Variants in DDX10 observed in about 807,000 individuals in gnomAD.
DDX10 encodes probable ATP-dependent RNA helicase DDX10.
A neutral mutation model predicts 104.3 loss-of-function variants in DDX10; 74 were observed. That is an observed-to-expected ratio of 0.71 (90% CI 0.59 to 0.86). DDX10 has a LOEUF of 0.86. Ranked by LOEUF, DDX10 falls within the 40% of genes least tolerant of loss-of-function variation. DDX10 has a pLI of 0.00. For missense variants in DDX10, 952 were observed against 1,040.0 expected (o/e 0.92, Z 1.16); for synonymous variants, 351 against 353.4 (o/e 0.99, Z 0.08).
chr11:108,892,385 C>T (rs79225618), intron 16 of DDX10, among the ~76,000 whole-genome samples: 2,536 of 152,226 alleles, frequency 0.017, 63 homozygotes, highest in African/African-American at 0.055. Context: ...GTCTTCCAGC[C>T]AACAGAATTG....
chr11:108,780,739 T>A (rs1361979175), intron 13 of DDX10, among the ~76,000 whole-genome samples: 1 of 152,206 alleles, frequency 6.6e-6, no homozygotes. Flanking sequence ...AATGTTTCTG[T>A]TATTGACAAC....
intron 13 of DDX10, among the ~76,000 whole-genome samples, chr11:108,803,052 C>T (rs745929786): frequency 7.2e-5 from 11 of 152,212 alleles, no homozygotes; most frequent in Non-Finnish European, 1.5e-4. Context: ...TTATACTCTA[C>T]GATTACACAT....
chr11:108,713,512 T>C (rs2094287273), intron 10 of DDX10, among the ~76,000 whole-genome samples: 1 of 152,170 alleles, frequency 6.6e-6, no homozygotes, highest in African/African-American at 2.4e-5. Context: ...TTTTCGGTTC[T>C]TTCTTAGGAT....
intron 13 of DDX10, among the ~76,000 whole-genome samples, chr11:108,831,545 A>G (rs2134587069): frequency 6.6e-6 from 1 of 151,346 alleles, no homozygotes; most frequent in East Asian, 1.9e-4. Flanking sequence ...GGTTTACTTC[A>G]CTTTTAGATA....
intron 16 of DDX10, among the ~76,000 whole-genome samples, chr11:108,889,223 GCTT>G (rs1313227217): frequency 6.6e-6 from 1 of 152,002 alleles, no homozygotes; most frequent in African/African-American, 2.4e-5. Context: ...AACACATATT[GCTT>G]CTTTCATCTA....
At chr11:108,800,350 C>T (rs904096851) in intron 13 of DDX10, among the ~76,000 whole-genome samples, 5 of 139,400 alleles carry the variant, frequency 3.6e-5, no homozygotes, top group Non-Finnish European at 6.0e-5. Context: ...GAGGCTGAGT[C>T]AGGAGAATGG....
At chr11:108,855,647 G>T (rs111645481) in intron 16 of DDX10, among the ~76,000 whole-genome samples, 2,781 of 152,186 alleles carry the variant, frequency 0.018, 43 homozygotes, top group Non-Finnish European at 0.027. Context: ...TTTTAGTAGA[G>T]ACAGAGTTTC....
intron 13 of DDX10, chr11:108,729,896 A>G (rs2094309934): frequency 6.6e-6 from 1 of 152,456 alleles, no homozygotes; most frequent in African/African-American, 2.4e-5. Context: ...TACCTTCCCA[A>G]CTACTAGTAA....
intron 10 of DDX10, among the ~76,000 whole-genome samples, chr11:108,710,450 C>CTT (rs777107714): frequency 1.2e-4 from 18 of 145,962 alleles, no homozygotes; most frequent in African/African-American, 4.5e-4. Flanking sequence ...TCCCTTAAAA[C>CTT]TTTTTTTTTT....
At chr11:108,741,907 T>TAGA (rs1039794797) in intron 13 of DDX10, among the ~76,000 whole-genome samples, 4 of 152,108 alleles carry the variant, frequency 2.6e-5, no homozygotes, top group South Asian at 2.1e-4. Flanking sequence ...ACCCCAAAGC[T>TAGA]AGAAGAAGAA....
chr11:108,927,159 A>G (rs985932754), intron 17 of DDX10, among the ~76,000 whole-genome samples: 5 of 152,222 alleles, frequency 3.3e-5, no homozygotes, highest in Admixed American at 1.3e-4. Flanking sequence ...TCCAAAGGAA[A>G]GAAGAAAAAG....
At chr11:108,908,265 A>G (rs539442857) in intron 16 of DDX10, among the ~76,000 whole-genome samples, 19 of 152,308 alleles carry the variant, frequency 1.2e-4, no homozygotes, top group African/African-American at 4.3e-4. Flanking sequence ...GCATTCTTGG[A>G]AAGTTGTTTT....
chr11:108,684,281 C>T (rs753534368), intron 6 of DDX10, among the ~76,000 whole-genome samples: 10 of 147,472 alleles, frequency 6.8e-5, no homozygotes, highest in Non-Finnish European at 1.2e-4. Flanking sequence ...CATGCTGGTG[C>T]GCTGCACCCA....
intron 16 of DDX10, among the ~76,000 whole-genome samples, chr11:108,899,984 A>T (rs1057080885): frequency 1.3e-5 from 2 of 152,112 alleles, no homozygotes; most frequent in African/African-American, 4.8e-5. Context: ...ATGGTGGCAC[A>T]TGCCTGTAAT....
At chr11:108,871,941 T>A (rs1863088320) in intron 16 of DDX10, among the ~76,000 whole-genome samples, 1 of 141,348 alleles carries the variant, frequency 7.1e-6, no homozygotes, top group Non-Finnish European at 1.6e-5. Context: ...AAAAAAAAAA[T>A]TAAGCTTTGA....
At chr11:108,933,832 T>C (rs1208562078) in intron 17 of DDX10, among the ~76,000 whole-genome samples, 1 of 152,242 alleles carries the variant, frequency 6.6e-6, no homozygotes, top group African/African-American at 2.4e-5. Context: ...TTTCTGACCC[T>C]GTATGACATA....
chr11:108,711,985 T>C (rs148975834), intron 10 of DDX10, among the ~76,000 whole-genome samples: 426 of 152,352 alleles, frequency 2.8e-3, no homozygotes, highest in South Asian at 5.0e-3. Context: ...TTTGATGCTG[T>C]ATTGTTAGGA....
Position 108,673,919 on chromosome 11 carries a change from G to T in DDX10, c.247+392G>T, listed in dbSNP as rs180964209. On this transcript the variant is annotated intron_variant, in intron 2 of 17. Transcript: ENST00000322536. ...GTTGGAAGTCTGGGATCAAGATGTTGGTGGCATTGGTTTCCTCTTAAGGCA... is the reference window on the plus strand; with the variant it reads ...GTTGGAAGTCTGGGATCAAGATGTTTGTGGCATTGGTTTCCTCTTAAGGCA... 1.3e-3 allele frequency among the ~76,000 whole-genome samples: 203 copies of T among 152,260 alleles called. 1 individual carries two copies. The highest frequency in any genetic ancestry group is 4.7e-3 in the African/African-American group (197 of 41,552).
chr11:108,769,110 G>A (rs990349558), intron 13 of DDX10, among the ~76,000 whole-genome samples: 18 of 151,264 alleles, frequency 1.2e-4, no homozygotes, highest in African/African-American at 4.4e-4. Flanking sequence ...TTAAAATTTT[G>A]TATACATAGT....
Sources: allele counts gnomAD v4.1 joint callset (sites outside exome capture counted in the v4.1 genomes callset), GRCh38; gene constraint gnomAD v4.1.1; transcripts MANE v1.5; gene names NCBI Gene and HGNC (gene_info 2026-07-23, HGNC 2026-07-21).